Variants in CDH18 observed in about 807,000 individuals in gnomAD.
The protein encoded by CDH18 is cadherin 18.
In CDH18, 31 loss-of-function variants were observed where a neutral mutation model predicts 67.9. The ratio of observed to expected loss-of-function variants is 0.46; its 90% CI spans 0.34 to 0.62. The LOEUF is 0.62. CDH18 is among the 20% of genes least tolerant of loss of function. CDH18 has a pLI of 0.01. For synonymous variants in CDH18, 362 were observed against 347.2 expected (o/e 1.04, Z -0.48); for missense variants, 890 against 975.5 (o/e 0.91, Z 1.17).
intron 7 of CDH18, among the ~76,000 whole-genome samples, chr5:19,580,889 AT>A (rs985907950): frequency 4.0e-5 from 6 of 151,876 alleles, no homozygotes; most frequent in South Asian, 2.1e-4. Flanking sequence ...AAGATAAACA[AT>A]TTTTTTAGTG....
At chr5:20,485,349 G>C (rs1253731083) in intron 1 of CDH18, among the ~76,000 whole-genome samples, 1 of 152,096 alleles carries the variant, frequency 6.6e-6, no homozygotes, top group Non-Finnish European at 1.5e-5. Context: ...GTCATTCAAA[G>C]AACTAACACA....
chr5:20,345,503 C>CT (rs1337772959), intron 1 of CDH18, among the ~76,000 whole-genome samples: 1 of 151,990 alleles, frequency 6.6e-6, no homozygotes, highest in Non-Finnish European at 1.5e-5. Flanking sequence ...CTCTGTAGCT[C>CT]TTTTTTATTA....
At chr5:20,544,718 A>C (rs1757246205) in intron 1 of CDH18, among the ~76,000 whole-genome samples, 1 of 152,182 alleles carries the variant, frequency 6.6e-6, no homozygotes, top group African/African-American at 2.4e-5. Context: ...ACGTGTGAGG[A>C]TTACAACCCA....
intron 1 of CDH18, among the ~76,000 whole-genome samples, chr5:20,470,428 G>C (rs914977309): frequency 6.6e-6 from 1 of 152,060 alleles, no homozygotes; most frequent in Non-Finnish European, 1.5e-5. Context: ...AAGGTAATTC[G>C]TGTCTTTATT....
At chr5:19,626,194 A>T (rs1404246490) in intron 5 of CDH18, among the ~76,000 whole-genome samples, 3 of 152,152 alleles carry the variant, frequency 2.0e-5, no homozygotes, top group African/African-American at 7.2e-5. Context: ...AAGCAAAATA[A>T]CAAATAGCAC....
intron 2 of CDH18, among the ~76,000 whole-genome samples, chr5:19,952,799 T>C (rs532052588): frequency 6.6e-6 from 1 of 151,232 alleles, no homozygotes; most frequent in Non-Finnish European, 1.5e-5. Flanking sequence ...ATGAGAGGCA[T>C]TTAGGGGAAA....
chr5:20,549,886 A>C (rs1024044486), intron 1 of CDH18, among the ~76,000 whole-genome samples: 2 of 152,146 alleles, frequency 1.3e-5, no homozygotes, highest in African/African-American at 4.8e-5. Flanking sequence ...TTCAAAGAAA[A>C]GTAGTTTATA....
chr5:19,485,296 C>A (rs563048945), intron 11 of CDH18, among the ~76,000 whole-genome samples: 117 of 150,704 alleles, frequency 7.8e-4, no homozygotes, highest in Non-Finnish European at 1.5e-3. Flanking sequence ...CGCTCTGTTG[C>A]CCAGGCTGGA....
At chr5:19,855,020 A>T (rs368666147) in intron 2 of CDH18, among the ~76,000 whole-genome samples, 2 of 151,878 alleles carry the variant, frequency 1.3e-5, no homozygotes, top group African/African-American at 4.8e-5. Flanking sequence ...TACAACTAAC[A>T]TAATGTCCTC....
At chr5:19,593,258 C>T (rs779608292) in intron 6 of CDH18, among the ~76,000 whole-genome samples, 102 of 152,070 alleles carry the variant, frequency 6.7e-4, no homozygotes, top group Non-Finnish European at 1.3e-4. Flanking sequence ...TCTGTAGACG[C>T]TACACAAGTT....
chr5:20,130,031 C>A (rs1749133419), intron 2 of CDH18, among the ~76,000 whole-genome samples: 1 of 148,146 alleles, frequency 6.8e-6, no homozygotes, highest in African/African-American at 2.5e-5. Flanking sequence ...GTGGAAAGTA[C>A]CTATACAGAT....
chr5:20,333,957 G>A (rs1739442643), intron 1 of CDH18, among the ~76,000 whole-genome samples: 1 of 151,852 alleles, frequency 6.6e-6, no homozygotes, highest in Admixed American at 6.6e-5. Context: ...TTTTTGATGA[G>A]CAAAGATGTT....
intron 2 of CDH18, among the ~76,000 whole-genome samples, chr5:19,856,593 A>T (rs1017017040): frequency 6.6e-6 from 1 of 152,178 alleles, no homozygotes; most frequent in African/African-American, 2.4e-5. Flanking sequence ...GTTTAAAAAT[A>T]AAGTCTTCAA....
At chr5:19,852,142 T>C (rs759477145) in intron 2 of CDH18, among the ~76,000 whole-genome samples, 2 of 151,966 alleles carry the variant, frequency 1.3e-5, no homozygotes, top group South Asian at 4.1e-4. Flanking sequence ...ATTGACCAGG[T>C]GGTAGATTAA....
intron 2 of CDH18, among the ~76,000 whole-genome samples, chr5:19,913,342 T>A (rs1281524579): frequency 6.6e-6 from 1 of 152,066 alleles, no homozygotes; most frequent in Non-Finnish European, 1.5e-5. Context: ...TATCCTTGTG[T>A]TTTTTAGAAG....
chr5:19,822,693 C>T (rs534786304), intron 3 of CDH18, among the ~76,000 whole-genome samples: 2 of 152,214 alleles, frequency 1.3e-5, no homozygotes, highest in South Asian at 2.1e-4. Context: ...TAGAATATCA[C>T]AAGGCAAATG....
At chr5:20,265,090 G>C (rs1744931456) in intron 1 of CDH18, among the ~76,000 whole-genome samples, 1 of 152,134 alleles carries the variant, frequency 6.6e-6, no homozygotes, top group Admixed American at 6.5e-5. Flanking sequence ...TTTTGCCTGA[G>C]AAAACACACA....
intron 9 of CDH18, among the ~76,000 whole-genome samples, chr5:19,531,714 C>T (rs943324581): frequency 6.6e-6 from 1 of 151,962 alleles, no homozygotes; most frequent in Non-Finnish European, 1.5e-5. Context: ...GGTGGATCAG[C>T]TGAGATCAGG....
At chr5:19,530,179 GA>G (rs1468912635) in intron 9 of CDH18, among the ~76,000 whole-genome samples, 2 of 151,978 alleles carry the variant, frequency 1.3e-5, no homozygotes, top group African/African-American at 4.8e-5. Flanking sequence ...AATTAATTGA[GA>G]AAATGATAGC....
Sources: gnomAD v4.1 joint callset for allele counts (sites outside exome capture counted in the v4.1 genomes callset) on GRCh38, gnomAD v4.1.1 for gene constraint, MANE v1.5 for transcripts, NCBI Gene and HGNC (gene_info 2026-07-23, HGNC 2026-07-21) for gene names.